DNMT3A: variants seen among roughly 807,000 people sequenced by gnomAD.
DNMT3A encodes the protein DNA methyltransferase 3 alpha, also known as DNA (cytosine-5)-methyltransferase 3A.
In DNMT3A, 267 loss-of-function variants were observed where a neutral mutation model predicts 117.6. The ratio of observed to expected loss-of-function variants is 2.27; its 90% CI spans 2.05 to 2.51. The LOEUF is 2.51. Ranked by LOEUF, DNMT3A falls within the 30% of genes most tolerant of loss-of-function variation. The pLI is 0.00. For missense variants in DNMT3A, 1,029 were observed against 1,260.2 expected (o/e 0.82, Z 2.78); for synonymous variants, 432 against 474.8 (o/e 0.91, Z 1.17).
Position 25,244,538 on chromosome 2 carries a change from AC to A in DNMT3A, c.1667+1del. The A allele has an allele frequency of 6.2e-7, 1 of 1,614,070 alleles. No individual in the cohort carries two copies. The highest frequency in any genetic ancestry group is 8.5e-7 in the Non-Finnish European group (1 of 1,179,934). ...GACCACTGGAGGCCACAACAGCCTC[AC>A]CTGCAGCAGTTGTTGTTTCCGCACA... On this transcript the variant is annotated splice_donor_variant, in intron 14 of 22. Coordinates refer to ENST00000321117, the MANE Select transcript of DNMT3A (RefSeq NM_022552.5). LOFTEE classifies it high-confidence loss of function.
chr2:25,282,520 C>A lies in DNMT3A; in HGVS notation c.369G>T (p.Glu123Asp). ...GAPAEGEGAA[E>D]TLPEASRAVE... The stretch of plus-strand genomic sequence containing the variant: ...CTGCTCTTGAGGCTTCAGGCAGGGT[C>A]TCAGCTGCACCCTCTCCCTCTGCTG... Residue 123 changes from glutamate to aspartate, a missense_variant, in exon 4 of 23, where the codon GAG (glutamate) becomes GAT (aspartate). Transcript: ENST00000321117. The surrounding 1 kb of genome is among the most constrained non-coding windows in gnomAD (Gnocchi z 5.2). 1 of 1,613,470 alleles carries A rather than the reference C, an allele frequency of 6.2e-7. No homozygotes were observed. The highest frequency in any genetic ancestry group is 8.5e-7 in the Non-Finnish European group (1 of 1,179,936).
chr2:25,322,672 A>T, intron 1 of DNMT3A, among the ~76,000 whole-genome samples: 1 of 123,802 alleles, frequency 8.1e-6, no homozygotes, highest in South Asian at 2.7e-4. Flanking sequence ...CTTCCTCACC[A>T]ACCCCAGCCT....
intron 14 of DNMT3A, 86 bp downstream of exon 14, chr2:25,244,454 G>A (rs1230578697): frequency 6.3e-7 from 1 of 1,580,872 alleles, no homozygotes; most frequent in African/African-American, 1.3e-5. Flanking sequence ...TGGAGGGTCT[G>A]TGGGGAAGGG....
intron 1 of DNMT3A, among the ~76,000 whole-genome samples, chr2:25,341,384 G>GGCGGGGCC (rs1244806274): frequency 1.4e-5 from 2 of 145,526 alleles, no homozygotes; most frequent in African/African-American, 2.5e-5. Flanking sequence ...GCGGGCTCCA[G>GGCGGGGCC]GCGGGGCCGC....
chr2:25,293,429 G>C lies in DNMT3A; in HGVS notation c.177+6710C>G, dbSNP rs1331420523. Among the ~76,000 whole-genome samples the C allele has an allele frequency of 6.6e-6, 1 of 152,180 alleles. No homozygotes were observed. The highest frequency in any genetic ancestry group is 1.5e-5 in the Non-Finnish European group (1 of 68,040). ...TTCCAGATAACACATTTTTCAGAGA[G>C]GATAAAGAGTAAAAGCCCCTCAGGC... On this transcript the variant is annotated intron_variant, in intron 3 of 22. Transcript: ENST00000321117. The surrounding 1 kb of genome is among the most constrained non-coding windows in gnomAD (Gnocchi z 4.7).
Position 25,247,837 on chromosome 2 carries a change from T to A in DNMT3A, c.856-88A>T. On this transcript the variant is annotated intron_variant, in intron 7 of 22. Coordinates refer to ENST00000321117, the MANE Select transcript of DNMT3A (RefSeq NM_022552.5). This position sits in a 1 kb window ranked among gnomAD's most constrained non-coding sequence, Gnocchi z 5.6. ...CCCATGGCAACCCCAGCCCTGGGCA[T>A]CTGGGGGGCAGGACAGCCAGGAGGG... 1 of 1,563,078 alleles carries A rather than the reference T, an allele frequency of 6.4e-7. No homozygotes were observed. The highest frequency in any genetic ancestry group is 8.6e-7 in the Non-Finnish European group (1 of 1,158,752).
chr2:25,318,249 A>C (rs141828445), intron 1 of DNMT3A, among the ~76,000 whole-genome samples: 5 of 152,234 alleles, frequency 3.3e-5, no homozygotes, highest in Non-Finnish European at 7.4e-5. Flanking sequence ...CAACAAGTCC[A>C]CTATCATTCT....
intron 4 of DNMT3A, among the ~76,000 whole-genome samples, chr2:25,277,824 C>A (rs1474329554): frequency 2.0e-5 from 3 of 151,968 alleles, no homozygotes; most frequent in African/African-American, 7.3e-5. Context: ...GGTCCTGATG[C>A]CCCGGCAAGC....
At position 25,257,762 on chromosome 2, in the gene DNMT3A, T is replaced by G. The variant is rs964450137; in HGVS notation, c.640-9510A>C. 2.0e-5 allele frequency among the ~76,000 whole-genome samples: 3 copies of G among 152,162 alleles called. No homozygotes were observed. The highest frequency in any genetic ancestry group is 7.2e-5 in the African/African-American group (3 of 41,446). On this transcript the variant is annotated intron_variant, in intron 6 of 22. Transcript: ENST00000321117. The surrounding 1 kb of genome is among the most constrained non-coding windows in gnomAD (Gnocchi z 4.8). The stretch of plus-strand genomic sequence containing the variant: ...TACAGATTCTTGGGGTCTACCTACG[T>G]AGATCAGCGGGCTTAAGGTGGGGCC...
Position 25,308,708 on chromosome 2 carries a change from G to C in DNMT3A, c.72+5205C>G, listed in dbSNP as rs554415279. On this transcript the variant is annotated intron_variant, in intron 2 of 22. Coordinates refer to ENST00000321117, the MANE Select transcript of DNMT3A (RefSeq NM_022552.5). ...CTTACCGCAACCACTGTCAAGCAAA[G>C]AGCCAGCCCTAAGTGACCATGTGGG... Among the ~76,000 whole-genome samples, 22 of 152,266 alleles carry C rather than the reference G, an allele frequency of 1.4e-4. No homozygotes were observed. In the South Asian group the frequency reaches 4.4e-3, roughly 30 times the overall value.
At chr2:25,241,309 T>C (rs570115184) in intron 17 of DNMT3A, among the ~76,000 whole-genome samples, 1 of 152,308 alleles carries the variant, frequency 6.6e-6, no homozygotes, top group East Asian at 1.9e-4. Context: ...CCTCAAGGGA[T>C]TCTCCTACCT....
At chr2:25,263,270 GGAAGCTTTCCTGGAGTCCTCCA>G (rs1186115966) in intron 6 of DNMT3A, among the ~76,000 whole-genome samples, 2 of 151,968 alleles carry the variant, frequency 1.3e-5, no homozygotes, top group Non-Finnish European at 2.9e-5. Context: ...GCCTCCTCCA[GGAAGCTTTCCTGGAGTCCTCCA>G]GAAGCTGCTC....
In DNMT3A at chr2:25,241,707, C is replaced by CCT; in HGVS notation, c.1937-2_1937-1dup (p.Gly646GlufsTer6). On this transcript the variant is annotated frameshift_variant and splice_region_variant. Transcript: ENST00000321117. LOFTEE classifies it high-confidence loss of function. ...GCCCAAGTCCTTCAGCACCAGGAGCCCTGCACCAGCCAGCAGACAGCACCG... is the reference window on the plus strand; with the variant it reads ...GCCCAAGTCCTTCAGCACCAGGAGCCCTCTGCACCAGCCAGCAGACAGCACCG... 6.2e-7 allele frequency: 1 copy of CCT among 1,613,522 alleles called. No individual in the cohort carries two copies.
At chr2:25,341,532 C>CCGGG (rs2035453007) in intron 1 of DNMT3A, among the ~76,000 whole-genome samples, 1 of 145,880 alleles carries the variant, frequency 6.9e-6, no homozygotes, top group Non-Finnish European at 1.5e-5. Context: ...GAGCCCGGAG[C>CCGGG]CGGGCGGGGG....
In DNMT3A at chr2:25,228,576, T is replaced by G. The variant is rs1481984595; in HGVS notation, c.*5703A>C. ...GCTCATTTAGTTTTCAAGTACAAAG[T>G]TAAAATGCCTTTTTAATAATAATAT... On this transcript the variant is annotated 3_prime_UTR_variant, in exon 23 of 23. Transcript: ENST00000321117. 1 of 152,182 alleles carries G rather than the reference T, an allele frequency of 6.6e-6. No homozygotes were observed. The highest frequency in any genetic ancestry group is 1.5e-5 in the Non-Finnish European group (1 of 68,028). 9.4% of individuals were successfully genotyped at this position (152,182 alleles called of 1,614,324 possible).
intron 19 of DNMT3A, chr2:25,239,547 T>G (rs1197883657): frequency 7.2e-6 from 4 of 554,250 alleles, no homozygotes; most frequent in Middle Eastern, 2.8e-4. Context: ...AGGAGCTGAA[T>G]GGTTAATGTT....
intron 6 of DNMT3A, chr2:25,249,773 C>G (rs778108862): frequency 3.0e-5 from 48 of 1,602,314 alleles, no homozygotes; most frequent in Non-Finnish European, 3.8e-5. Flanking sequence ...GAACCATTAG[C>G]CTTTTACTGA....
At chr2:25,303,993 C>T (rs954639455) in intron 2 of DNMT3A, among the ~76,000 whole-genome samples, 1 of 152,220 alleles carries the variant, frequency 6.6e-6, no homozygotes, top group African/African-American at 2.4e-5. Context: ...CTGCAAGTAG[C>T]CCTGAATTAG....
At chr2:25,265,159 G>A (rs943690598) in intron 6 of DNMT3A, among the ~76,000 whole-genome samples, 62 of 152,300 alleles carry the variant, frequency 4.1e-4, no homozygotes, top group East Asian at 2.5e-3. Flanking sequence ...AAGGGTTCAG[G>A]ACCACATGAG....
Sources: gnomAD v4.1 joint callset for allele counts (sites outside exome capture counted in the v4.1 genomes callset) on GRCh38, gnomAD v4.1.1 for gene constraint, Gnocchi (gnomAD v3.1) non-coding constraint, MANE v1.5 for transcripts, NCBI Gene and HGNC (gene_info 2026-07-23, HGNC 2026-07-21) for gene names.